The following PWWP2A variants were observed in gnomAD, a reference collection of about 807,000 sequenced individuals.
PWWP2A encodes PWWP domain-containing protein 2A.
In PWWP2A, 18 loss-of-function variants were observed where a neutral mutation model predicts 48.5. That is an observed-to-expected ratio of 0.37 (90% CI 0.26 to 0.55). The LOEUF (loss-of-function observed/expected upper bound fraction) is 0.55, where lower values mean the gene tolerates loss of function less well. Ranked by LOEUF, PWWP2A falls within the 20% of genes least tolerant of loss-of-function variation. PWWP2A has a pLI of 0.81. For missense variants in PWWP2A, 867 were observed against 976.4 expected, an observed-to-expected ratio of 0.89 and a Z score of 1.49; for synonymous variants, 396 against 387.7, an observed-to-expected ratio of 1.02 and a Z score of -0.25.
At chr5:160,073,948 C>T (rs1298329940), downstream of PWWP2A, among the ~76,000 whole-genome samples, 4 of 151,606 alleles carry the variant, frequency 2.6e-5, no homozygotes, top group African/African-American at 9.7e-5. Flanking sequence ...ACCTGTAATC[C>T]CAACTACTCA....
chr5:160,119,391 T>G lies in PWWP2A; in HGVS notation c.-3A>C, dbSNP rs1014369431. 1.5e-6 allele frequency: 2 copies of G among 1,360,538 alleles called. No individual in the cohort carries two copies. Among genetic ancestry groups the G allele is most frequent in the Admixed American group, 4.0e-5 (1 of 25,256 alleles). 84.3% of individuals were successfully genotyped at this position (1,360,538 alleles called of 1,614,324 possible). The stretch of plus-strand genomic sequence containing the variant: ...GCCTCTGCAGCCACGGCCGCCATTT[T>G]CTTCCTAGCTTCTCCCTCCTCCAAC... On this transcript the variant is annotated 5_prime_UTR_variant, in exon 1 of 2. Transcript: ENST00000307063.
chr5:160,059,478 C>G (rs947300754), downstream of PWWP2A, among the ~76,000 whole-genome samples: 5 of 152,204 alleles, frequency 3.3e-5, no homozygotes, highest in Non-Finnish European at 7.3e-5. Flanking sequence ...TCCATATAAG[C>G]AATAAGGCTG....
chr5:160,106,349 T>C (rs764150005), intron 1 of PWWP2A, among the ~76,000 whole-genome samples: 5 of 152,196 alleles, frequency 3.3e-5, no homozygotes, highest in African/African-American at 7.2e-5. Flanking sequence ...TGGGGATTAA[T>C]AGAATTTACT....
chr5:160,085,769 T>C (rs1754586055), intron 2 of PWWP2A, among the ~76,000 whole-genome samples: 1 of 151,646 alleles, frequency 6.6e-6, no homozygotes, highest in Admixed American at 6.6e-5. Flanking sequence ...CCTCCCAAAG[T>C]GCTGGGATTA....
chr5:160,092,797 G>C lies in PWWP2A; in HGVS notation c.1853C>G (p.Ser618Cys). The change falls in exon 2 of 2, where the codon TCC (serine) becomes TGC (cysteine). Residue 618 changes from serine (S) to cysteine (C), a missense_variant. By Grantham distance (112) the Ser-to-Cys change is moderately radical (BLOSUM62 -1). This residue lies in a region of PWWP2A where 382 missense variants were observed against 407.2 expected (regional missense o/e 0.94). Coordinates refer to ENST00000307063, the MANE Select transcript of PWWP2A (RefSeq NM_001130864.2). ...PGSMHAPSTS[S>C]TSSSSKEEKK... The stretch of plus-strand genomic sequence containing the variant: ...CTCTTCCTTTGAAGAGGAGGAAGTG[G>C]AGGAGGTGGAAGGTGCATGCATACT... 1 of 1,551,656 alleles carries C rather than the reference G, an allele frequency of 6.4e-7. No homozygotes were observed. The highest frequency in any genetic ancestry group is 8.7e-7 in the Non-Finnish European group (1 of 1,146,952).
downstream of PWWP2A, among the ~76,000 whole-genome samples, chr5:160,058,938 A>G (rs1757623992): frequency 6.6e-6 from 1 of 152,174 alleles, no homozygotes; most frequent in Non-Finnish European, 1.5e-5. Context: ...TGCTCAGTAA[A>G]TTATTCTATA....
Position 160,092,824 on chromosome 5 carries a change from C to A in PWWP2A, c.1826G>T (p.Gly609Val). 4 of 1,551,616 alleles carry A rather than the reference C, an allele frequency of 2.6e-6. No homozygotes were observed. In the South Asian group the frequency reaches 4.8e-5, roughly 18 times the overall value. ...SSSESFDFPP[G>V]SMHAPSTSST... ...GGAGGTGGAAGGTGCATGCATACTGCCTGGAGGAAAATCAAAGCTTTCAGA... is the reference window on the plus strand; with the variant it reads ...GGAGGTGGAAGGTGCATGCATACTGACTGGAGGAAAATCAAAGCTTTCAGA... The change falls in exon 2 of 2, where the codon GGC becomes GTC. Residue 609 changes from glycine to valine, a missense_variant. Physicochemically the swap from Gly to Val is moderately radical, Grantham distance 109. Around this residue, in one of 4 missense-constraint regions of PWWP2A, gnomAD observed 382 missense variants for 407.2 expected, o/e 0.94. Coordinates refer to ENST00000307063, the MANE Select transcript of PWWP2A (RefSeq NM_001130864.2).
chr5:160,064,794 C>T (rs1753550564), intron 4 of PWWP2A: 1 of 927,298 alleles, frequency 1.1e-6, no homozygotes. Context: ...AAGCTTTCAT[C>T]ATATTAAAAG....
intron 1 of PWWP2A, among the ~76,000 whole-genome samples, chr5:160,098,715 A>C (rs1164870296): frequency 2.0e-5 from 3 of 152,240 alleles, no homozygotes; most frequent in Non-Finnish European, 4.4e-5. Flanking sequence ...CTATAAACTT[A>C]ATAAGAATAT....
chr5:160,111,869 C>T (rs1346106107), intron 1 of PWWP2A, among the ~76,000 whole-genome samples: 1 of 151,974 alleles, frequency 6.6e-6, no homozygotes, highest in African/African-American at 2.4e-5. Context: ...TATAAAACAA[C>T]AGTGGCCAGG....
chr5:160,090,552 A>G (rs1754980449), downstream of PWWP2A: 1 of 984,268 alleles, frequency 1.0e-6, no homozygotes, highest in Non-Finnish European at 1.2e-6. Flanking sequence ...CATGTTTTCA[A>G]AATGTGTGTT....
chr5:160,092,869 G>C lies in PWWP2A; in HGVS notation c.1781C>G (p.Ser594Cys), dbSNP rs756568592. The C allele has an allele frequency of 5.2e-6, 8 of 1,551,708 alleles. No individual in the cohort carries two copies. The highest frequency in any genetic ancestry group is 7.0e-6 in the Non-Finnish European group (8 of 1,146,994). Residue 594 changes from serine to cysteine, a missense_variant, in exon 2 of 2, where the codon TCC becomes TGC. Coordinates refer to ENST00000307063, the MANE Select transcript of PWWP2A (RefSeq NM_001130864.2). ...SIDSTDDLKS[S>C]NSECSSSESF... is the part of the protein sequence containing the mutation. The stretch of plus-strand genomic sequence containing the variant: ...TTCAGAAGAACTACACTCAGAGTTG[G>C]AAGATTTCAAATCATCTGTGCTATC...
chr5:160,075,636 T>C (rs773953544), downstream of PWWP2A, among the ~76,000 whole-genome samples: 10 of 152,044 alleles, frequency 6.6e-5, no homozygotes, highest in Non-Finnish European at 1.2e-4. Flanking sequence ...AAAGCTGTTA[T>C]GTTTGTGCAC....
intron 4 of PWWP2A, among the ~76,000 whole-genome samples, chr5:160,064,671 C>T (rs1753545559): frequency 6.6e-6 from 1 of 152,094 alleles, no homozygotes; most frequent in African/African-American, 2.4e-5. Context: ...GCTTTGATTC[C>T]CAGAGAGAGC....
At chr5:160,054,635 T>C in the PWWP2A span, among the ~76,000 whole-genome samples, 2 of 150,856 alleles carry the variant, frequency 1.3e-5, no homozygotes, top group Non-Finnish European at 3.0e-5. Context: ...AAAAGAAAAA[T>C]CTCATGTGAA....
downstream of PWWP2A, among the ~76,000 whole-genome samples, chr5:160,072,979 G>A (rs776960156): frequency 1.6e-5 from 2 of 124,890 alleles, no homozygotes; most frequent in Non-Finnish European, 3.1e-5. Context: ...ACTCCAGCCT[G>A]GGCAACAAGA....
chr5:160,068,244 C>T (rs192967053), intron 2 of PWWP2A, among the ~76,000 whole-genome samples: 27 of 152,300 alleles, frequency 1.8e-4, no homozygotes, highest in Admixed American at 6.5e-4. Flanking sequence ...CCAGAATTTA[C>T]TTTTAAGGTA....
the PWWP2A span, among the ~76,000 whole-genome samples, chr5:160,055,524 TG>T: frequency 6.6e-6 from 1 of 152,254 alleles, no homozygotes; most frequent in Non-Finnish European, 1.5e-5. Flanking sequence ...ATCTCAGATA[TG>T]GTGCCCAGAA....
At position 160,091,609 on chromosome 5, in the gene PWWP2A, T is replaced by C. The variant is rs191368346; in HGVS notation, c.*773A>G. 5.0e-4 allele frequency: 491 copies of C among 985,068 alleles called. 2 individuals are homozygous for C. In the African/African-American group the frequency reaches 8.0e-3, roughly 16 times the overall value. The allele number at this position is 985,068 out of a possible 1,614,324, so 61.0% of individuals were successfully genotyped here. A position where few individuals can be genotyped will look rare whatever the true frequency, so the allele number is the denominator to read the frequency against. Reference sequence around the variant, plus strand: ...GGAGAAATCTGACCAAATTTAGCAATCACTATTTACAAATCCAAAATCAAA... The same window carrying C: ...GGAGAAATCTGACCAAATTTAGCAACCACTATTTACAAATCCAAAATCAAA... On this transcript the variant is annotated 3_prime_UTR_variant, in exon 2 of 2. Coordinates refer to ENST00000307063, the MANE Select transcript of PWWP2A (RefSeq NM_001130864.2).
Sources: allele counts gnomAD v4.1 joint callset (sites outside exome capture counted in the v4.1 genomes callset), GRCh38; gene constraint gnomAD v4.1.1; regional missense constraint gnomAD v4.1.1; transcripts MANE v1.5; gene names NCBI Gene and HGNC (gene_info 2026-07-23, HGNC 2026-07-21).